SBNO2: variants seen among roughly 807,000 people sequenced by gnomAD.
SBNO2 encodes strawberry notch homolog 2.
A neutral mutation model predicts 146.3 loss-of-function variants in SBNO2; 89 were observed. That is an observed-to-expected ratio of 0.61 (90% CI 0.51 to 0.73). SBNO2 has a LOEUF of 0.73. SBNO2 is among the 30% of genes least tolerant of loss of function. SBNO2 has a pLI of 0.00. For synonymous variants in SBNO2, 1,147 were observed against 892.6 expected, an observed-to-expected ratio of 1.29 and a Z score of -5.08; for missense variants, 2,092 against 2,003.7, an observed-to-expected ratio of 1.04 and a Z score of -0.84.
At chr19:1,143,867 A>C (rs2080162051) in intron 4 of SBNO2, among the ~76,000 whole-genome samples, 1 of 152,102 alleles carries the variant, frequency 6.6e-6, no homozygotes, top group Non-Finnish European at 1.5e-5. Flanking sequence ...TCTTGGGTCC[A>C]TCACTCAGTC....
chr19:1,109,324 C>A lies in SBNO2; in HGVS notation c.3316G>T (p.Ala1106Ser). The A allele has an allele frequency of 6.3e-7, 1 of 1,596,770 alleles. No individual in the cohort carries two copies. The change falls in exon 29 of 32, where the codon GCC (alanine) becomes TCC (serine). Residue 1106 changes from alanine (A) to serine (S), a missense_variant. By Grantham distance (99) the Ala-to-Ser change is moderately conservative (BLOSUM62 1). Coordinates refer to ENST00000361757, the MANE Select transcript of SBNO2 (RefSeq NM_014963.3). This position sits in a 1 kb window ranked among gnomAD's most constrained non-coding sequence, Gnocchi z 4.2. Reference sequence around the variant, plus strand: ...AACTTGCGGCGGAGGCTGTCCAGGGCCTCCAGCTGGCTCTGCCGGCCGATG... The same window carrying A: ...AACTTGCGGCGGAGGCTGTCCAGGGACTCCAGCTGGCTCTGCCGGCCGATG... Reference protein sequence around the residue: ...PNIGRQSQLEALDSLRRKFHR... With the variant: ...PNIGRQSQLESLDSLRRKFHR...
intron 4 of SBNO2, among the ~76,000 whole-genome samples, chr19:1,145,506 G>C (rs1026034951): frequency 6.6e-6 from 1 of 151,352 alleles, no homozygotes; most frequent in East Asian, 1.9e-4. Flanking sequence ...AGAAAGGAAA[G>C]AGAGAAGGAA....
rs2080165806 is a variant in SBNO2, at chr19:1,144,260, C to A, written c.279+3049G>T. Among the ~76,000 whole-genome samples the A allele has an allele frequency of 6.6e-6, 1 of 152,152 alleles. No homozygotes were observed. The highest frequency in any genetic ancestry group is 2.1e-4 in the South Asian group (1 of 4,834). The stretch of plus-strand genomic sequence containing the variant: ...CACCCGTCCCATCCCACACTCAGCA[C>A]TGGGGGACCACGCGGCCCGGCCCAC... On this transcript the variant is annotated intron_variant, in intron 4 of 31. Transcript: ENST00000361757. The surrounding 1 kb of genome is among the most constrained non-coding windows in gnomAD (Gnocchi z 4.1).
Position 1,108,396 on chromosome 19 carries a change from C to A in SBNO2, c.3925G>T (p.Asp1309Tyr). ...DPAALAHQGC[D>Y]INFKEVLEDM... ...TCCAGCACCTCCTTGAAGTTGATGTCGCAGCCCTGGTGCGCGAGGGCCGCA... is the reference window on the plus strand; with the variant it reads ...TCCAGCACCTCCTTGAAGTTGATGTAGCAGCCCTGGTGCGCGAGGGCCGCA... Residue 1309 changes from aspartate (D) to tyrosine (Y), a missense_variant, in exon 32 of 32, where the codon GAC becomes TAC. Asp to Tyr is a radical substitution (Grantham distance 160). Coordinates refer to ENST00000361757, the MANE Select transcript of SBNO2 (RefSeq NM_014963.3). 1.6e-6 allele frequency: 2 copies of A among 1,283,206 alleles called. No individual in the cohort carries two copies. The highest frequency in any genetic ancestry group is 1.9e-5 in the South Asian group (1 of 53,466). 79.5% of individuals were successfully genotyped at this position (1,283,206 alleles called of 1,614,324 possible).
chr19:1,159,741 C>A (rs1599877366), intron 1 of SBNO2, among the ~76,000 whole-genome samples: 1 of 95,068 alleles, frequency 1.1e-5, no homozygotes, highest in Non-Finnish European at 2.0e-5. Context: ...GGGGTGACAA[C>A]AGGGAGACAG....
rs1192720545 is a variant in SBNO2 at position 1,157,474 on chromosome 19, G to A, written c.-126-3072C>T. ...CCCACCCCGAGCCTCAGAGCCACGGGCCAGCCAAACGTCCAGCGGGCAGCA... is the reference window on the plus strand; with the variant it reads ...CCCACCCCGAGCCTCAGAGCCACGGACCAGCCAAACGTCCAGCGGGCAGCA... On this transcript the variant is annotated intron_variant, in intron 1 of 31. Coordinates refer to ENST00000361757, the MANE Select transcript of SBNO2 (RefSeq NM_014963.3). The surrounding 1 kb of genome is among the most constrained non-coding windows in gnomAD (Gnocchi z 6.8). Among the ~76,000 whole-genome samples, 5 of 150,714 alleles carry A rather than the reference G, an allele frequency of 3.3e-5. No individual in the cohort carries two copies. The East Asian group carries it at 1.0e-3, about 31-fold the overall frequency.
Position 1,109,426 on chromosome 19 carries a change from G to C in SBNO2, c.3217-3C>G. ...CAGCTGGGCTTGTTACCGCGGACCT[G>C]CGGAGGGGGGCGTTGAGGCCGCGCC... is the stretch of plus-strand genomic sequence containing the variant. On this transcript the variant is annotated splice_polypyrimidine_tract_variant and splice_region_variant and intron_variant, in intron 28 of 31. Transcript: ENST00000361757. The surrounding 1 kb of genome is among the most constrained non-coding windows in gnomAD (Gnocchi z 4.2). 1 of 1,563,500 alleles carries C rather than the reference G, an allele frequency of 6.4e-7. No individual in the cohort carries two copies. The highest frequency in any genetic ancestry group is 8.7e-7 in the Non-Finnish European group (1 of 1,155,076).
In SBNO2 at chr19:1,109,694, C is replaced by A; in HGVS notation, c.3112G>T (p.Val1038Phe). The A allele has an allele frequency of 6.2e-7, 1 of 1,607,618 alleles. No homozygotes were observed. Among genetic ancestry groups the A allele is most frequent in the South Asian group, 1.1e-5 (1 of 90,818 alleles). ...GGCTTCCTGCTGACCTTGTAGAAGACCACCTGCCCGTCCTGCGGGTGCCCG... is the reference window on the plus strand; with the variant it reads ...GGCTTCCTGCTGACCTTGTAGAAGAACACCTGCCCGTCCTGCGGGTGCCCG... ...APGHPQDGQV[V>F]FYKISVDRGL... The change falls in exon 27 of 32, where the codon GTC becomes TTC. Residue 1038 changes from valine to phenylalanine, a missense_variant. Coordinates refer to ENST00000361757, the MANE Select transcript of SBNO2 (RefSeq NM_014963.3). This position sits in a 1 kb window ranked among gnomAD's most constrained non-coding sequence, Gnocchi z 4.2.
rs1431432965 is a variant in SBNO2, at chr19:1,174,243, C to T, written c.-198G>A. 6.6e-6 allele frequency: 1 copy of T among 151,782 alleles called. No individual in the cohort carries two copies. The highest frequency in any genetic ancestry group is 1.5e-5 in the Non-Finnish European group (1 of 67,898). The allele number at this position is 151,782 out of a possible 1,614,324, so 9.4% of individuals were successfully genotyped here. On this transcript the variant is annotated 5_prime_UTR_variant, in exon 1 of 32. The change abolishes the stop of an existing upstream ORF in the 5' untranslated region. Transcript: ENST00000361757. ...TCCGAGCCTCGCAGCTGCCGCCGCTCACTTCCGGGTTTCGGGCGCCATCTT... is the reference window on the plus strand; with the variant it reads ...TCCGAGCCTCGCAGCTGCCGCCGCTTACTTCCGGGTTTCGGGCGCCATCTT...
intron 4 of SBNO2, among the ~76,000 whole-genome samples, chr19:1,134,114 G>C (rs1017529350): frequency 6.7e-6 from 1 of 149,062 alleles, no homozygotes; most frequent in Non-Finnish European, 1.5e-5. Context: ...CACAGCTCAT[G>C]GGTGGACCCA....
chr19:1,126,672 G>A lies in SBNO2; in HGVS notation c.441+932C>T, dbSNP rs1339683500. ...GGGTTGCCCCTTCCTGAGGGCCCGG[G>A]AGAGCGGCCTATGGGTGTGAGCCCA... On this transcript the variant is annotated intron_variant, in intron 5 of 31. Coordinates refer to ENST00000361757, the MANE Select transcript of SBNO2 (RefSeq NM_014963.3). The surrounding 1 kb of genome is among the most constrained non-coding windows in gnomAD (Gnocchi z 4.4). Among the ~76,000 whole-genome samples, 1 of 152,212 alleles carries A rather than the reference G, an allele frequency of 6.6e-6. No homozygotes were observed. The highest frequency in any genetic ancestry group is 1.5e-5 in the Non-Finnish European group (1 of 68,038).
chr19:1,107,971 C>G lies in SBNO2; in HGVS notation c.*249G>C, dbSNP rs1439379264. The G allele has an allele frequency of 3.3e-6, 1 of 306,220 alleles. No individual in the cohort carries two copies. The highest frequency in any genetic ancestry group is 5.3e-5 in the Admixed American group (1 of 18,934). The allele number at this position is 306,220 out of a possible 1,614,324, so 19.0% of individuals were successfully genotyped here. A position where few individuals can be genotyped will look rare whatever the true frequency, so the allele number is the denominator to read the frequency against. On this transcript the variant is annotated 3_prime_UTR_variant, in exon 32 of 32. Transcript: ENST00000361757. ...TGGGTGCCCAGTCCCAGAGCAGCCA[C>G]CCGGAGCCCCTTCCTACTTGGGAGG... is the stretch of plus-strand genomic sequence containing the variant.
In SBNO2 at chr19:1,109,045, C is replaced by A. The variant is rs913071401; in HGVS notation, c.3426-76G>T. 5 of 1,504,032 alleles carry A rather than the reference C, an allele frequency of 3.3e-6. No homozygotes were observed. The African/African-American group carries it at 7.0e-5, about 21-fold the overall frequency. The allele number at this position is 1,504,032 out of a possible 1,614,324, so 93.2% of individuals were successfully genotyped here. ...GGCTCCCCAGGTGCCCTGAGATCTC[C>A]CGCCTCCTCTCAGGGTCTCGGGAGC... On this transcript the variant is annotated intron_variant, in intron 30 of 31. Coordinates refer to ENST00000361757, the MANE Select transcript of SBNO2 (RefSeq NM_014963.3). The surrounding 1 kb of genome is among the most constrained non-coding windows in gnomAD (Gnocchi z 4.2).
In SBNO2 at chr19:1,110,864, T is replaced by G; in HGVS notation, c.2909A>C (p.Asn970Thr). The change falls in exon 26 of 32, where the codon AAC (asparagine) becomes ACC (threonine). Residue 970 changes from asparagine (N) to threonine (T), a missense_variant. Coordinates refer to ENST00000361757, the MANE Select transcript of SBNO2 (RefSeq NM_014963.3). The surrounding 1 kb of genome is among the most constrained non-coding windows in gnomAD (Gnocchi z 4.9). The part of the protein sequence containing the change: ...EKDCSITKFL[N>T]RILGLEVHKQ... ...GTGCACCTCCAGCCCCAGGATGCGG[T>G]TCAGGAACTTGGTGATGGAACAGTC... is the stretch of plus-strand genomic sequence containing the variant. 6.2e-7 allele frequency: 1 copy of G among 1,613,614 alleles called. No homozygotes were observed. Among genetic ancestry groups the G allele is most frequent in the Non-Finnish European group, 8.5e-7 (1 of 1,179,728 alleles).
intron 1 of SBNO2, among the ~76,000 whole-genome samples, chr19:1,171,032 A>G (rs36153418): frequency 0.16 from 24,011 of 151,938 alleles, 2,202 homozygotes; most frequent in African/African-American, 0.26. Flanking sequence ...ATACAGACAC[A>G]CATAACCGAC....
intron 4 of SBNO2, among the ~76,000 whole-genome samples, chr19:1,129,673 T>C (rs1035732966): frequency 6.6e-6 from 1 of 152,172 alleles, no homozygotes; most frequent in African/African-American, 2.4e-5. Context: ...GGACCCTCCG[T>C]GGAAGCATTT....
chr19:1,166,027 C>T (rs1568647909), intron 1 of SBNO2, among the ~76,000 whole-genome samples: 2 of 126,762 alleles, frequency 1.6e-5, no homozygotes, highest in African/African-American at 5.4e-5. Flanking sequence ...CCTCAGACCC[C>T]AGACCCCAGA....
rs749889412 is a variant in SBNO2, at chr19:1,108,237, C to A, written c.4084G>T (p.Ala1362Ser). ...AAGGCGTGTCAGAGAGGAGCCTGGG[C>A]GCCGGGGAAGGGTGGGCTGAACTGG... The part of the protein sequence containing the change: ...VIQFSPPFPG[A>S]QAPL The change falls in exon 32 of 32, where the codon GCC becomes TCC. Residue 1362 changes from alanine to serine, a missense_variant. Coordinates refer to ENST00000361757, the MANE Select transcript of SBNO2 (RefSeq NM_014963.3). 1.6e-5 allele frequency: 25 copies of A among 1,525,924 alleles called. No homozygotes were observed. The South Asian group carries it at 3.0e-4, about 18-fold the overall frequency. The allele number at this position is 1,525,924 out of a possible 1,614,324, so 94.5% of individuals were successfully genotyped here.
At chr19:1,119,296 T>C (rs905535914) in intron 13 of SBNO2, 132 bp from the exon 14 acceptor site, 36 of 1,171,186 alleles carry the variant, frequency 3.1e-5, no homozygotes, top group African/African-American at 6.1e-5. Context: ...ACTGAGGCAG[T>C]TGGCAGCTGA....
Sources: gnomAD v4.1 joint callset for allele counts (sites outside exome capture counted in the v4.1 genomes callset) on GRCh38, gnomAD v4.1.1 for gene constraint, Gnocchi (gnomAD v3.1) non-coding constraint, MANE v1.5 for transcripts, NCBI Gene and HGNC (gene_info 2026-07-23, HGNC 2026-07-21) for gene names.